Variants in SV2C observed in about 807,000 individuals in gnomAD.
The protein encoded by SV2C is solute carrier family 22 member B3.
A neutral mutation model predicts 79.7 loss-of-function variants in SV2C; 49 were observed. That is an observed-to-expected ratio of 0.61 (90% CI 0.49 to 0.78). SV2C has a LOEUF of 0.78. SV2C is among the 30% of genes least tolerant of loss of function. The pLI, the probability that SV2C is intolerant of heterozygous loss-of-function variation, is 0.00. For synonymous variants in SV2C, 334 were observed against 333.2 expected (o/e 1.00, Z -0.03); for missense variants, 833 against 912.9 (o/e 0.91, Z 1.13).
intron 2 of SV2C, 152 bp from the exon 3 acceptor site, chr5:76,194,767 A>C: frequency 1.1e-6 from 1 of 901,478 alleles, no homozygotes; most frequent in Non-Finnish European, 1.7e-6. Flanking sequence ...TTCAACTTGA[A>C]AACTGATTAC....
the SV2C span, among the ~76,000 whole-genome samples, chr5:76,037,976 C>T: frequency 6.6e-6 from 1 of 152,192 alleles, no homozygotes; most frequent in Non-Finnish European, 1.5e-5. Flanking sequence ...CGGAAAAGCG[C>T]AGTATTAGGG....
At chr5:76,165,647 GC>G (rs1416377571) in intron 2 of SV2C, among the ~76,000 whole-genome samples, 1 of 151,572 alleles carries the variant, frequency 6.6e-6, no homozygotes, top group Non-Finnish European at 1.5e-5. Flanking sequence ...TTAGCATAGT[GC>G]CCTTGACACC....
chr5:75,915,434 C>T, the SV2C span, among the ~76,000 whole-genome samples: 1 of 152,122 alleles, frequency 6.6e-6, no homozygotes, highest in African/African-American at 2.4e-5. Context: ...TTTTAAAGTT[C>T]AAGGTAATTG....
the SV2C span, among the ~76,000 whole-genome samples, chr5:76,073,503 G>GTATGTATA: frequency 3.0e-5 from 2 of 67,412 alleles, no homozygotes; most frequent in Admixed American, 1.6e-4. Flanking sequence ...GTATGTGTGT[G>GTATGTATA]TATATATATA....
At chr5:76,228,508 C>A (rs976341233) in intron 4 of SV2C, among the ~76,000 whole-genome samples, 2 of 152,070 alleles carry the variant, frequency 1.3e-5, no homozygotes, top group Non-Finnish European at 1.5e-5. Flanking sequence ...TGGAAAAACC[C>A]GTAACGGAGC....
intron 2 of SV2C, among the ~76,000 whole-genome samples, chr5:76,154,132 A>G (rs1414225580): frequency 2.0e-5 from 3 of 152,196 alleles, no homozygotes; most frequent in East Asian, 3.9e-4. Context: ...CTAGAACAGT[A>G]CTAATCAATA....
chr5:76,010,371 G>A, the SV2C span, among the ~76,000 whole-genome samples: 3 of 152,110 alleles, frequency 2.0e-5, no homozygotes, highest in African/African-American at 7.2e-5. Flanking sequence ...GGTATTGCTT[G>A]CAAAATGCAG....
chr5:76,048,999 G>GA, the SV2C span, among the ~76,000 whole-genome samples: 3 of 86,308 alleles, frequency 3.5e-5, no homozygotes, highest in African/African-American at 1.2e-4. Flanking sequence ...AAGAAAGAAA[G>GA]AAAGAAAGAA....
At position 76,141,962 on chromosome 5, in the gene SV2C, A is replaced by G. The variant is rs2112210027; in HGVS notation, c.580+9632A>G. 1.3e-5 allele frequency among the ~76,000 whole-genome samples: 2 copies of G among 152,284 alleles called. 1 individual carries two copies. The highest frequency in any genetic ancestry group is 4.1e-4 in the South Asian group (2 of 4,830). Reference sequence around the variant, plus strand: ...AGACTCATAGGTTTGATTTCAGATTATCAGTATGCAGTTGCACCCTTTCAT... The same window carrying G: ...AGACTCATAGGTTTGATTTCAGATTGTCAGTATGCAGTTGCACCCTTTCAT... On this transcript the variant is annotated intron_variant, in intron 2 of 12. Coordinates refer to ENST00000502798, the MANE Select transcript of SV2C (RefSeq NM_014979.4).
chr5:76,162,498 C>T lies in SV2C; in HGVS notation c.580+30168C>T, dbSNP rs781316889. On this transcript the variant is annotated intron_variant, in intron 2 of 12. Transcript: ENST00000502798. The stretch of plus-strand genomic sequence containing the variant: ...CCAGGTTTCTCAAGAGTTGGGTTAC[C>T]GATTAGCTTAGTCCAGACTCATTTG... Among the ~76,000 whole-genome samples the T allele has an allele frequency of 2.6e-5, 4 of 152,226 alleles. 1 individual carries two copies. The Middle Eastern group carries it at 0.014, about 518-fold the overall frequency.
chr5:76,271,637 T>C (rs1746867087), intron 4 of SV2C, among the ~76,000 whole-genome samples: 2 of 147,520 alleles, frequency 1.4e-5, no homozygotes, highest in Non-Finnish European at 3.0e-5. Flanking sequence ...TTTTTTTTTT[T>C]TTTGTATTTT....
At chr5:75,914,113 C>A in the SV2C span, among the ~76,000 whole-genome samples, 5 of 152,028 alleles carry the variant, frequency 3.3e-5, no homozygotes, top group African/African-American at 1.2e-4. Flanking sequence ...GTAAGCTAAC[C>A]CCATATTGTC....
At chr5:76,004,704 C>T in the SV2C span, among the ~76,000 whole-genome samples, 1 of 152,080 alleles carries the variant, frequency 6.6e-6, no homozygotes, top group Non-Finnish European at 1.5e-5. Context: ...CCCTCAGATG[C>T]ATGCATTATT....
At chr5:76,000,325 C>T in the SV2C span, among the ~76,000 whole-genome samples, 1 of 152,146 alleles carries the variant, frequency 6.6e-6, no homozygotes, top group Non-Finnish European at 1.5e-5. Context: ...GAAGCCTGTG[C>T]CATCTGCAAG....
the SV2C span, chr5:75,911,208 G>C: frequency 6.3e-7 from 1 of 1,589,126 alleles, no homozygotes. Flanking sequence ...GCCCTGCCCA[G>C]GCCCAGCCCT....
At chr5:76,010,953 G>C in the SV2C span, among the ~76,000 whole-genome samples, 1 of 152,162 alleles carries the variant, frequency 6.6e-6, no homozygotes, top group Non-Finnish European at 1.5e-5. Flanking sequence ...CTAAAGCAAA[G>C]TAGAGAAACC....
chr5:76,145,352 G>T (rs1235133759), intron 2 of SV2C, among the ~76,000 whole-genome samples: 1 of 152,196 alleles, frequency 6.6e-6, no homozygotes, highest in Non-Finnish European at 1.5e-5. Flanking sequence ...GTTCTTCAGA[G>T]AAGCATTTGT....
the SV2C span, among the ~76,000 whole-genome samples, chr5:75,983,087 A>C: frequency 6.6e-6 from 1 of 152,162 alleles, no homozygotes; most frequent in African/African-American, 2.4e-5. Flanking sequence ...TTACCTATGT[A>C]ACAAACCTGT....
At chr5:76,067,867 C>T in the SV2C span, among the ~76,000 whole-genome samples, 1 of 151,958 alleles carries the variant, frequency 6.6e-6, no homozygotes, top group Non-Finnish European at 1.5e-5. Flanking sequence ...GTATCTTTTC[C>T]AATTATACCT....
Sources: allele counts gnomAD v4.1 joint callset (sites outside exome capture counted in the v4.1 genomes callset), GRCh38; gene constraint gnomAD v4.1.1; transcripts MANE v1.5; gene names NCBI Gene and HGNC (gene_info 2026-07-23, HGNC 2026-07-21).